Variants in CACNA2D3 observed in about 807,000 individuals in gnomAD.
CACNA2D3 encodes the protein voltage-dependent calcium channel subunit alpha-2/delta-3.
CACNA2D3 carries 60 observed loss-of-function variants against 160.6 expected under a neutral mutation model. That is an observed-to-expected ratio of 0.37 (90% confidence interval 0.30 to 0.46). CACNA2D3 has a LOEUF of 0.46. Ranked by LOEUF, CACNA2D3 falls within the 20% of genes least tolerant of loss-of-function variation. The probability of loss-of-function intolerance (pLI) is 1.00; values close to 1 mark genes in which losing one functional copy is unlikely to be tolerated. For synonymous variants in CACNA2D3, 558 were observed against 492.9 expected, an observed-to-expected ratio of 1.13 and a Z score of -1.75; for missense variants, 1,205 against 1,365.0, an observed-to-expected ratio of 0.88 and a Z score of 1.85.
At chr3:54,387,291 A>G (rs768571699) in intron 4 of CACNA2D3, among the ~76,000 whole-genome samples, 1 of 152,220 alleles carries the variant, frequency 6.6e-6, no homozygotes, top group Non-Finnish European at 1.5e-5. Context: ...TATGTCTGAT[A>G]GAGAAGGATT....
chr3:54,145,314 C>T (rs914255701), intron 2 of CACNA2D3, among the ~76,000 whole-genome samples: 7 of 152,242 alleles, frequency 4.6e-5, no homozygotes, highest in African/African-American at 7.2e-5. Flanking sequence ...GCGCTGTGCA[C>T]GGTGGTAGGG....
In CACNA2D3 at chr3:54,689,010, A is replaced by AAAAAAAAAAAAAAAAAAGAG. The variant is rs1553785965; in HGVS notation, c.1167+46770_1167+46771insAAAAAAAAAAAAAAAAGAGA. Reference sequence around the variant, plus strand: ...AAAAAAAAAAAAAAAAAAAAAAAAAAAGAATGAGGTTGTATACATAAAGCA... The same window carrying AAAAAAAAAAAAAAAAAAGAG: ...AAAAAAAAAAAAAAAAAAAAAAAAAAAAAAAAAAAAAAAAAAAGAGAGAATGAGGTTGTATACATAAAGCA... On this transcript the variant is annotated intron_variant, in intron 11 of 37. Transcript: ENST00000474759. 1.2e-4 allele frequency among the ~76,000 whole-genome samples: 10 copies of AAAAAAAAAAAAAAAAAAGAG among 85,496 alleles called. 4 individuals are homozygous for AAAAAAAAAAAAAAAAAAGAG. Among genetic ancestry groups the AAAAAAAAAAAAAAAAAAGAG allele is most frequent in the Admixed American group, 3.0e-4 (2 of 6,584 alleles). The allele number at this position is 85,496 out of a possible 152,430, so 56.1% of individuals were successfully genotyped here.
chr3:54,272,210 C>T (rs1041766737), intron 2 of CACNA2D3, among the ~76,000 whole-genome samples: 2 of 152,242 alleles, frequency 1.3e-5, no homozygotes, highest in Middle Eastern at 3.2e-3. Flanking sequence ...TTACCAGTCA[C>T]TGCCACCGTT....
intron 35 of CACNA2D3, among the ~76,000 whole-genome samples, chr3:55,071,368 A>C (rs1362566290): frequency 6.6e-6 from 1 of 152,148 alleles, no homozygotes; most frequent in African/African-American, 2.4e-5. Flanking sequence ...ACTGGCAGTC[A>C]TGTGTCTGTA....
At chr3:54,147,812 G>T (rs1034431643) in intron 2 of CACNA2D3, among the ~76,000 whole-genome samples, 3 of 152,168 alleles carry the variant, frequency 2.0e-5, no homozygotes, top group African/African-American at 7.2e-5. Flanking sequence ...TTTTCTGTTT[G>T]TTTGTTTGTT....
At chr3:54,983,904 A>G (rs941776853) in intron 29 of CACNA2D3, among the ~76,000 whole-genome samples, 1 of 152,214 alleles carries the variant, frequency 6.6e-6, no homozygotes, top group Non-Finnish European at 1.5e-5. Flanking sequence ...GCCTGTAGCA[A>G]ATCATTCACT....
chr3:54,719,882 T>G (rs1285438641), intron 11 of CACNA2D3, among the ~76,000 whole-genome samples: 1 of 152,034 alleles, frequency 6.6e-6, no homozygotes, highest in East Asian at 1.9e-4. Context: ...AAGTTGTGCT[T>G]TTTGAGGAAT....
chr3:54,898,886 G>T (rs1160253572), intron 26 of CACNA2D3, among the ~76,000 whole-genome samples: 2 of 152,184 alleles, frequency 1.3e-5, no homozygotes, highest in Non-Finnish European at 2.9e-5. Flanking sequence ...ATCACCAACT[G>T]CAAGTCTCTG....
chr3:54,368,065 T>TA (rs1196750350), intron 3 of CACNA2D3, among the ~76,000 whole-genome samples: 3 of 152,230 alleles, frequency 2.0e-5, no homozygotes, highest in Non-Finnish European at 4.4e-5. Flanking sequence ...AATGAAGTAT[T>TA]GGTAAATGAG....
At chr3:54,713,297 G>A (rs1700988260) in intron 11 of CACNA2D3, among the ~76,000 whole-genome samples, 1 of 152,190 alleles carries the variant, frequency 6.6e-6, no homozygotes, top group South Asian at 2.1e-4. Context: ...AAAGCTCAAG[G>A]TCTGAGCTCT....
At chr3:55,056,339 CT>C (rs1704360276) in intron 35 of CACNA2D3, among the ~76,000 whole-genome samples, 1 of 152,154 alleles carries the variant, frequency 6.6e-6, no homozygotes, top group Non-Finnish European at 1.5e-5. Flanking sequence ...AAAAGCGAAA[CT>C]TTGTACACTT....
intron 10 of CACNA2D3, among the ~76,000 whole-genome samples, chr3:54,631,147 T>C (rs1186941824): frequency 6.6e-6 from 1 of 151,208 alleles, no homozygotes; most frequent in East Asian, 1.9e-4. Context: ...GAGGATGCAG[T>C]GAGCTGAGAT....
intron 4 of CACNA2D3, among the ~76,000 whole-genome samples, chr3:54,475,174 T>G (rs1441054026): frequency 6.6e-6 from 1 of 152,172 alleles, no homozygotes; most frequent in Non-Finnish European, 1.5e-5. Flanking sequence ...GCTGAGGGTG[T>G]GCTTTGGTCT....
intron 2 of CACNA2D3, among the ~76,000 whole-genome samples, chr3:54,265,042 C>A (rs1200500175): frequency 2.0e-5 from 3 of 152,160 alleles, no homozygotes; most frequent in African/African-American, 7.2e-5. Context: ...CTGCAATAAA[C>A]ATACTTGTGC....
chr3:54,421,163 T>G lies in CACNA2D3; in HGVS notation c.381+34389T>G, dbSNP rs1026558558. On this transcript the variant is annotated intron_variant, in intron 4 of 37. Transcript: ENST00000474759. ...ATAGATGCTGGGGCAGTGAATGTGT[T>G]TGTGGTGTGTGGGAACATATCTATA... is the stretch of plus-strand genomic sequence containing the variant. Among the ~76,000 whole-genome samples the G allele has an allele frequency of 2.6e-5, 4 of 152,278 alleles. No individual in the cohort carries two copies. In the Middle Eastern group the frequency reaches 0.01, roughly 388 times the overall value.
chr3:54,724,374 A>G (rs1350175193), intron 11 of CACNA2D3, among the ~76,000 whole-genome samples: 6 of 152,134 alleles, frequency 3.9e-5, no homozygotes, highest in Non-Finnish European at 1.5e-5. Flanking sequence ...CTGAAAATTA[A>G]CAAGGATATT....
chr3:54,924,786 T>TC (rs1053546274), intron 27 of CACNA2D3: 4 of 1,613,984 alleles, frequency 2.5e-6, no homozygotes, highest in African/African-American at 2.7e-5. Context: ...AGTTAGGTTC[T>TC]CCCAAGTCTC....
chr3:54,509,052 C>G lies in CACNA2D3; in HGVS notation c.544+5398C>G, dbSNP rs189625116. Among the ~76,000 whole-genome samples the G allele has an allele frequency of 5.4e-3, 825 of 152,270 alleles. 9 individuals carry two copies. Among genetic ancestry groups the G allele is most frequent in the African/African-American group, 0.018 (765 of 41,552 alleles). ...TTGTCAGATGTCTCAACCTATTTTTCAAATGTTGAGCTTGATAAAACACAA... is the reference window on the plus strand; with the variant it reads ...TTGTCAGATGTCTCAACCTATTTTTGAAATGTTGAGCTTGATAAAACACAA... On this transcript the variant is annotated intron_variant, in intron 5 of 37. Coordinates refer to ENST00000474759, the MANE Select transcript of CACNA2D3 (RefSeq NM_018398.3).
chr3:55,016,470 G>A (rs1020301393), intron 34 of CACNA2D3, among the ~76,000 whole-genome samples: 1 of 152,206 alleles, frequency 6.6e-6, no homozygotes, highest in African/African-American at 2.4e-5. Flanking sequence ...AGGATTCACT[G>A]CCTGGAATTG....
Sources: allele counts gnomAD v4.1 joint callset (sites outside exome capture counted in the v4.1 genomes callset), GRCh38; gene constraint gnomAD v4.1.1; transcripts MANE v1.5; gene names NCBI Gene and HGNC (gene_info 2026-07-23, HGNC 2026-07-21).